Variants in RAB3IL1 observed in about 807,000 individuals in gnomAD.
RAB3IL1 encodes the protein guanine nucleotide exchange factor for Rab-3A.
A neutral mutation model predicts 49.2 loss-of-function variants in RAB3IL1; 37 were observed. The ratio of observed to expected loss-of-function variants is 0.75; its 90% CI spans 0.58 to 0.99. The LOEUF is 0.99. Ranked by LOEUF, RAB3IL1 falls within the 50% of genes least tolerant of loss-of-function variation. The probability of loss-of-function intolerance (pLI) is 0.00; values close to 1 mark genes in which losing one functional copy is unlikely to be tolerated. For synonymous variants in RAB3IL1, 193 were observed against 213.9 expected (o/e 0.90, Z 0.85); for missense variants, 484 against 513.0 (o/e 0.94, Z 0.55).
rs577075612 is a variant in RAB3IL1, at chr11:61,904,523, A to G, written c.899+23T>C. 15 of 1,576,134 alleles carry G rather than the reference A, an allele frequency of 9.5e-6. No homozygotes were observed. The African/African-American group carries it at 1.7e-4, about 18-fold the overall frequency. ...GCGGGGCTTTCCCACATGGGCAGGA[A>G]GGAGCTAAGACCCTCAGCTTACTTG... On this transcript the variant is annotated intron_variant, in intron 7 of 9. Transcript: ENST00000394836.
upstream of RAB3IL1, among the ~76,000 whole-genome samples, chr11:61,917,995 G>C (rs2134367162): frequency 6.6e-6 from 1 of 152,232 alleles, no homozygotes; most frequent in Admixed American, 6.5e-5. Flanking sequence ...CCCGAAACAA[G>C]TTTTCTGAGT....
In RAB3IL1 at chr11:61,904,071, C is replaced by G. The variant is rs1939051839; in HGVS notation, c.899+475G>C. ...TCTATTCATCCTTCAAAACCTGGCT[C>G]AAATGCTCCCTCTCCGTGATGAGCC... On this transcript the variant is annotated intron_variant, in intron 7 of 9. Coordinates refer to ENST00000394836, the MANE Select transcript of RAB3IL1 (RefSeq NM_013401.4). Among the ~76,000 whole-genome samples the G allele has an allele frequency of 1.3e-5, 2 of 151,732 alleles. 1 individual carries two copies. The highest frequency in any genetic ancestry group is 4.2e-4 in the South Asian group (2 of 4,802).
chr11:61,940,658 C>G, the RAB3IL1 span, among the ~76,000 whole-genome samples: 6,566 of 151,708 alleles, frequency 0.043, 448 homozygotes, highest in South Asian at 0.35. Flanking sequence ...CGCGGTGGCT[C>G]ACGCCTGTAA....
At chr11:61,943,784 A>G in the RAB3IL1 span, among the ~76,000 whole-genome samples, 2 of 152,232 alleles carry the variant, frequency 1.3e-5, no homozygotes, top group Non-Finnish European at 2.9e-5. Context: ...CACACCTACT[A>G]GGATGGCTTT....
chr11:61,938,644 G>A, the RAB3IL1 span, among the ~76,000 whole-genome samples: 15,460 of 152,154 alleles, frequency 0.1, 1,462 homozygotes, highest in East Asian at 0.57. Context: ...TGGAAATATC[G>A]GCTGAGCACA....
Position 61,917,368 on chromosome 11 carries a change from C to T in RAB3IL1, c.-1G>A, listed in dbSNP as rs973992555. ...GCGCGCGGACCTACCCGCTCCACAT[C>T]CCGGCGCCTCGGGGCGCCCAGGCGT... On this transcript the variant is annotated 5_prime_UTR_variant, in exon 1 of 10. Transcript: ENST00000394836. 1 of 1,256,342 alleles carries T rather than the reference C, an allele frequency of 8.0e-7. No individual in the cohort carries two copies. The allele number at this position is 1,256,342 out of a possible 1,614,324, so 77.8% of individuals were successfully genotyped here.
In RAB3IL1 at chr11:61,906,411, C is replaced by T. The variant is rs1939183796; in HGVS notation, c.657+55G>A. 1 of 1,469,180 alleles carries T rather than the reference C, an allele frequency of 6.8e-7. No individual in the cohort carries two copies. The highest frequency in any genetic ancestry group is 9.2e-7 in the Non-Finnish European group (1 of 1,086,730). The allele number at this position is 1,469,180 out of a possible 1,614,324, so 91.0% of individuals were successfully genotyped here. A position where few individuals can be genotyped will look rare whatever the true frequency, so the allele number is the denominator to read the frequency against. Reference sequence around the variant, plus strand: ...GGTCCTCACTGGGCTCGGACCCTGCCTACCGCAGGCACTGCCACCCTTCCC... The same window carrying T: ...GGTCCTCACTGGGCTCGGACCCTGCTTACCGCAGGCACTGCCACCCTTCCC... On this transcript the variant is annotated intron_variant, in intron 5 of 9. Coordinates refer to ENST00000394836, the MANE Select transcript of RAB3IL1 (RefSeq NM_013401.4). The surrounding 1 kb of genome is among the most constrained non-coding windows in gnomAD (Gnocchi z 4.6).
At chr11:61,924,835 G>A (rs1436984514), upstream of RAB3IL1, among the ~76,000 whole-genome samples, 2 of 152,182 alleles carry the variant, frequency 1.3e-5, no homozygotes, top group African/African-American at 4.8e-5. Context: ...TGACCAAGGT[G>A]CCTGGGGCCT....
upstream of RAB3IL1, chr11:61,920,145 A>T (rs1939863891): frequency 1.5e-6 from 2 of 1,339,982 alleles, no homozygotes; most frequent in South Asian, 3.9e-5. Flanking sequence ...GGAACACGGG[A>T]CATGTCCCTC....
At chr11:61,938,853 G>A in the RAB3IL1 span, among the ~76,000 whole-genome samples, 18 of 152,148 alleles carry the variant, frequency 1.2e-4, no homozygotes, top group African/African-American at 4.3e-4. Flanking sequence ...TTGAACCTGG[G>A]AGGTGGAGGT....
chr11:61,932,287 A>C, the RAB3IL1 span, among the ~76,000 whole-genome samples: 1 of 152,054 alleles, frequency 6.6e-6, no homozygotes, highest in South Asian at 2.1e-4. Flanking sequence ...GGGGTAAAGC[A>C]TCAAATAAAT....
intron 7 of RAB3IL1, among the ~76,000 whole-genome samples, 186 bp from the exon 8 acceptor site, chr11:61,902,727 G>A (rs777175196): frequency 2.6e-5 from 4 of 152,182 alleles, no homozygotes; most frequent in Non-Finnish European, 5.9e-5. Flanking sequence ...CCATCCCTGG[G>A]ACAGACCTCG....
chr11:61,899,510 G>A, intron 8 of RAB3IL1, 130 bp from the exon 9 acceptor site: 1 of 766,922 alleles, frequency 1.3e-6, no homozygotes, highest in Non-Finnish European at 2.1e-6. Context: ...GACTCAGCTG[G>A]GACTGGGCTT....
chr11:61,906,320 C>T lies in RAB3IL1; in HGVS notation c.657+146G>A, dbSNP rs1348257611. 1.2e-5 allele frequency: 9 copies of T among 764,408 alleles called. No homozygotes were observed. Among genetic ancestry groups the T allele is most frequent in the African/African-American group, 1.0e-4 (6 of 57,886 alleles). The allele number at this position is 764,408 out of a possible 1,614,324, so 47.4% of individuals were successfully genotyped here. A position where few individuals can be genotyped will look rare whatever the true frequency, so the allele number is the denominator to read the frequency against. On this transcript the variant is annotated intron_variant, in intron 5 of 9. Coordinates refer to ENST00000394836, the MANE Select transcript of RAB3IL1 (RefSeq NM_013401.4). This position sits in a 1 kb window ranked among gnomAD's most constrained non-coding sequence, Gnocchi z 4.6. ...TCACAGGAGGTTGGAGAGAAAGGAC[C>T]TGCCCAGCCCTCACATCCCAGAGAG...
the RAB3IL1 span, among the ~76,000 whole-genome samples, chr11:61,928,820 C>T: frequency 1.1e-4 from 16 of 152,174 alleles, no homozygotes; most frequent in Admixed American, 8.5e-4. Flanking sequence ...GCAGTGAGCT[C>T]ACAATCAGAG....
At chr11:61,918,581 C>A (rs1939808954), upstream of RAB3IL1, among the ~76,000 whole-genome samples, 1 of 152,268 alleles carries the variant, frequency 6.6e-6, no homozygotes. Flanking sequence ...GGGGACCCAG[C>A]AGGAAACTGT....
rs752307516 is a variant in RAB3IL1 at position 61,908,265 on chromosome 11, G to A, written c.53C>T (p.Ala18Val). 9.3e-6 allele frequency: 14 copies of A among 1,512,486 alleles called. No homozygotes were observed. Among genetic ancestry groups the A allele is most frequent in the Non-Finnish European group, 1.2e-5 (14 of 1,131,726 alleles). 93.7% of individuals were successfully genotyped at this position (1,512,486 alleles called of 1,614,324 possible). A position where few individuals can be genotyped will look rare whatever the true frequency, so the allele number is the denominator to read the frequency against. The change falls in exon 2 of 10, where the codon GCT (alanine) becomes GTT (valine). Residue 18 changes from alanine (A) to valine (V), a missense_variant. Ala to Val is a moderately conservative substitution (Grantham distance 64). Transcript: ENST00000394836. ...CGTGCTCTTCCAGGGGACCGGGACA[G>A]CTGCAAGGGGCGGCGGGAGGCCCTG... ...PDQGLPPPLA[A>V]VPVPWKSTDP...
chr11:61,927,839 T>A, the RAB3IL1 span, among the ~76,000 whole-genome samples: 1 of 152,134 alleles, frequency 6.6e-6, no homozygotes, highest in Non-Finnish European at 1.5e-5. Context: ...TGATCGTAAG[T>A]TTCCTGAGGC....
At chr11:61,936,130 G>A in the RAB3IL1 span, among the ~76,000 whole-genome samples, 1 of 152,106 alleles carries the variant, frequency 6.6e-6, no homozygotes, top group Non-Finnish European at 1.5e-5. Context: ...CAAGAATGGA[G>A]AAAAGCAAAT....
Sources: gnomAD v4.1 joint callset for allele counts (sites outside exome capture counted in the v4.1 genomes callset) on GRCh38, gnomAD v4.1.1 for gene constraint, Gnocchi (gnomAD v3.1) non-coding constraint, MANE v1.5 for transcripts, NCBI Gene and HGNC (gene_info 2026-07-23, HGNC 2026-07-21) for gene names.